Variants in HGSNAT observed in about 807,000 individuals in gnomAD.
The protein encoded by HGSNAT is heparan-alpha-glucosaminide N-acetyltransferase, also known as transmembrane protein 76.
HGSNAT carries 59 observed loss-of-function variants against 85.2 expected under a neutral mutation model. That is an observed-to-expected ratio of 0.69 (90% CI 0.56 to 0.86). The LOEUF (loss-of-function observed/expected upper bound fraction) is 0.86. Among genes scored for constraint, HGSNAT ranks in the 40% least tolerant of loss-of-function variants. The pLI, the probability that HGSNAT is intolerant of heterozygous loss-of-function variation, is 0.00. For missense variants in HGSNAT, 756 were observed against 777.1 expected (o/e 0.97, Z 0.32); for synonymous variants, 321 against 304.5 (o/e 1.05, Z -0.56).
intron 5 of HGSNAT, among the ~76,000 whole-genome samples, chr8:43,163,836 A>G (rs900268064): frequency 2.0e-5 from 3 of 152,162 alleles, no homozygotes; most frequent in African/African-American, 7.2e-5. Flanking sequence ...AGATGTGTCT[A>G]TTTTAACATT....
At chr8:43,185,858 ATTTT>A (rs1316770388) in intron 11 of HGSNAT, among the ~76,000 whole-genome samples, 6 of 152,152 alleles carry the variant, frequency 3.9e-5, no homozygotes, top group Admixed American at 3.9e-4. Context: ...GGGCTGTTGA[ATTTT>A]GTCGAAGGCC....
At chr8:43,180,109 C>CG (rs1323272824) in intron 10 of HGSNAT, among the ~76,000 whole-genome samples, 1 of 132,134 alleles carries the variant, frequency 7.6e-6, no homozygotes, top group Non-Finnish European at 1.6e-5. Context: ...CCGACCCCCC[C>CG]CCCCACCGCC....
rs767972481 is a variant in HGSNAT at position 43,193,771 on chromosome 8, C to T, written c.1392C>T (p.Thr464=). Residue 464 remains threonine, a synonymous_variant, in exon 14 of 18, where the codon ACC becomes ACT. Coordinates refer to ENST00000379644, the MANE Select transcript of HGSNAT (RefSeq NM_152419.3). ...QHPSSAVLYH[T]EVAYDPEGIL... is the part of the protein sequence containing the mutation. Reference sequence around the variant, plus strand: ...TGTTTGTTAAGGTACTTTACCACACCGAGGTGGCCTATGACCCCGAGGGCA... The same window carrying T: ...TGTTTGTTAAGGTACTTTACCACACTGAGGTGGCCTATGACCCCGAGGGCA... The T allele has an allele frequency of 8.7e-6, 14 of 1,612,722 alleles. No individual in the cohort carries two copies. The highest frequency in any genetic ancestry group is 4.0e-5 in the African/African-American group (3 of 74,864).
chr8:43,173,947 G>A, intron 9 of HGSNAT: 1 of 478,756 alleles, frequency 2.1e-6, no homozygotes, highest in Non-Finnish European at 3.7e-6. Flanking sequence ...CGGGCGCGGT[G>A]GCTCACGCCT....
rs1196256560 is a variant in HGSNAT, at chr8:43,197,124, CCACA to C, written c.1542+100_1542+103del. The C allele has an allele frequency of 6.4e-6, 5 of 779,220 alleles. No individual in the cohort carries two copies. The African/African-American group carries it at 8.6e-5, about 13-fold the overall frequency. The allele number at this position is 779,220 out of a possible 1,614,324, so 48.3% of individuals were successfully genotyped here. On this transcript the variant is annotated intron_variant, in intron 15 of 17. Transcript: ENST00000379644. ...AGCAACACTGAGCTAGCCATTGTCA[CCACA>C]TGGCAGCAGGTACCATTTTCTTCAC...
intron 7 of HGSNAT, among the ~76,000 whole-genome samples, 184 bp downstream of exon 7, chr8:43,170,878 A>G (rs1396426177): frequency 1.2e-4 from 18 of 152,252 alleles, no homozygotes; most frequent in Non-Finnish European, 2.5e-4. Context: ...CATGATCCTC[A>G]GTGTCTGTAT....
At chr8:43,190,593 C>T (rs374436064) in intron 11 of HGSNAT, among the ~76,000 whole-genome samples, 4 of 152,118 alleles carry the variant, frequency 2.6e-5, no homozygotes, top group African/African-American at 4.8e-5. Context: ...CCTGAGGGTC[C>T]GCGGAGGTGC....
chr8:43,147,180 A>G (rs961108264), intron 2 of HGSNAT, 117 bp downstream of exon 2: 5 of 620,980 alleles, frequency 8.1e-6, no homozygotes, highest in Non-Finnish European at 1.4e-5. Context: ...CTAAAGAAAC[A>G]AAGAAGCTAT....
intron 5 of HGSNAT, among the ~76,000 whole-genome samples, chr8:43,161,951 G>A (rs1309665558): frequency 1.3e-5 from 2 of 152,214 alleles, no homozygotes; most frequent in African/African-American, 2.4e-5. Context: ...TGTATGCCTG[G>A]TGGCTGTTCT....
Position 43,158,644 on chromosome 8 carries a change from T to G in HGSNAT, c.304T>G (p.Ser102Ala). Residue 102 changes from serine (S) to alanine (A), a missense_variant, in exon 3 of 18, where the codon TCT becomes GCT. Ser to Ala is a moderately conservative substitution (Grantham distance 99). Transcript: ENST00000379644. ...AGGGAAGCCTAGTGCTGCAGCTGCC[T>G]CTGTCAGCACCCAGCACGGATCTAT... ...KAGKPSAAAA[S>A]VSTQHGSILQ... is the part of the protein sequence containing the mutation. 1 of 1,613,828 alleles carries G rather than the reference T, an allele frequency of 6.2e-7. No individual in the cohort carries two copies. Among genetic ancestry groups the G allele is most frequent in the Non-Finnish European group, 8.5e-7 (1 of 1,179,712 alleles).
intron 11 of HGSNAT, among the ~76,000 whole-genome samples, chr8:43,190,877 G>A (rs1005752628): frequency 3.9e-5 from 6 of 152,020 alleles, no homozygotes; most frequent in African/African-American, 1.5e-4. Context: ...CTTACCCCAC[G>A]AAGAACCCTG....
At chr8:43,165,031 T>A (rs891399738) in intron 5 of HGSNAT, among the ~76,000 whole-genome samples, 1 of 146,904 alleles carries the variant, frequency 6.8e-6, no homozygotes, top group Non-Finnish European at 1.5e-5. Context: ...TAGAGGCATG[T>A]GCCACCATGA....
chr8:43,190,603 C>T (rs941742037), intron 11 of HGSNAT, among the ~76,000 whole-genome samples: 2 of 152,172 alleles, frequency 1.3e-5, no homozygotes, highest in African/African-American at 4.8e-5. Context: ...CGCGGAGGTG[C>T]ATCCTGGGCC....
chr8:43,146,648 G>A (rs939806950), intron 1 of HGSNAT, among the ~76,000 whole-genome samples: 1 of 152,120 alleles, frequency 6.6e-6, no homozygotes, highest in African/African-American at 2.4e-5. Flanking sequence ...TTCCTTACAC[G>A]ATCCTTTGAT....
chr8:43,162,191 A>G (rs1334780670), intron 5 of HGSNAT, among the ~76,000 whole-genome samples: 2 of 152,250 alleles, frequency 1.3e-5, no homozygotes. Context: ...TAGGGTCTCA[A>G]GAAGAACCAC....
chr8:43,140,959 C>A (rs1802506321), intron 1 of HGSNAT, among the ~76,000 whole-genome samples: 1 of 152,202 alleles, frequency 6.6e-6, no homozygotes, highest in Non-Finnish European at 1.5e-5. Flanking sequence ...CACAAACTGG[C>A]AGCCAGGAGG....
intron 2 of HGSNAT, among the ~76,000 whole-genome samples, chr8:43,147,753 G>A (rs1328127029): frequency 6.6e-6 from 1 of 152,116 alleles, no homozygotes; most frequent in African/African-American, 2.4e-5. Context: ...TATTTGGGCT[G>A]CAGTACCCAA....
At chr8:43,177,655 A>G (rs1347019598) in intron 9 of HGSNAT, among the ~76,000 whole-genome samples, 1 of 152,116 alleles carries the variant, frequency 6.6e-6, no homozygotes, top group Non-Finnish European at 1.5e-5. Flanking sequence ...AGAGAGAAAA[A>G]GTAAGCTTTC....
intron 1 of HGSNAT, among the ~76,000 whole-genome samples, chr8:43,141,537 G>A (rs897868861): frequency 3.9e-5 from 6 of 152,170 alleles, no homozygotes; most frequent in Non-Finnish European, 5.9e-5. Flanking sequence ...CCTCCCAGAG[G>A]GGTCGGGCAA....
Sources: gnomAD v4.1 joint callset for allele counts (sites outside exome capture counted in the v4.1 genomes callset) on GRCh38, gnomAD v4.1.1 for gene constraint, MANE v1.5 for transcripts, NCBI Gene and HGNC (gene_info 2026-07-23, HGNC 2026-07-21) for gene names.